Variants in PPEF2 observed in about 807,000 individuals in gnomAD.
PPEF2 encodes serine/threonine-protein phosphatase with EF-hands 2.
A neutral mutation model predicts 84.7 loss-of-function variants in PPEF2; 84 were observed. The observed-to-expected ratio is 0.99, with a 90% CI of 0.83 to 1.19. The LOEUF is 1.19. Ranked by LOEUF, PPEF2 falls within the 50% of genes most tolerant of loss-of-function variation. PPEF2 has a pLI of 0.00. For missense variants in PPEF2, 924 were observed against 937.5 expected (o/e 0.99, Z 0.19); for synonymous variants, 346 against 345.2 (o/e 1.00, Z -0.03).
chr4:75,879,652 T>G (rs1724514689), intron 10 of PPEF2, among the ~76,000 whole-genome samples: 1 of 152,134 alleles, frequency 6.6e-6, no homozygotes, highest in South Asian at 2.1e-4. Flanking sequence ...TGATATTCTT[T>G]TTCTATCTTT....
chr4:75,877,463 TCCTTTGAGAG>T (rs1724458394), intron 10 of PPEF2, among the ~76,000 whole-genome samples: 1 of 151,850 alleles, frequency 6.6e-6, no homozygotes, highest in Non-Finnish European at 1.5e-5. Context: ...GAACTGTAGG[TCCTTTGAGAG>T]TACCACTTTG....
Position 75,890,052 on chromosome 4 carries a change from T to C in PPEF2, c.322A>G (p.Ile108Val), listed in dbSNP as rs1156833018. ...CCCGTGTAACTGTCGGGTACCTCTA[T>C]GGATTCATAGTCACTGCATTTCTTC... ...EMKKCSDYESIEVPDSYTGPR... is the reference protein window; with the variant it reads ...EMKKCSDYESVEVPDSYTGPR... The change falls in exon 5 of 17, where the codon ATA becomes GTA. Residue 108 changes from isoleucine (I) to valine (V), a missense_variant. Physicochemically the swap from Ile to Val is conservative, Grantham distance 29. Coordinates refer to ENST00000286719, the MANE Select transcript of PPEF2 (RefSeq NM_006239.3). 6.2e-7 allele frequency: 1 copy of C among 1,613,936 alleles called. No individual in the cohort carries two copies. The highest frequency in any genetic ancestry group is 2.2e-5 in the East Asian group (1 of 44,886).
At chr4:75,898,099 C>G (rs1289008479) in intron 1 of PPEF2, among the ~76,000 whole-genome samples, 1 of 152,242 alleles carries the variant, frequency 6.6e-6, no homozygotes, top group Non-Finnish European at 1.5e-5. Context: ...GCAGCAGGAG[C>G]ATGTCCTTAA....
Position 75,860,920 on chromosome 4 carries a change from C to A in PPEF2, c.2009G>T (p.Gly670Val). ...IFRIIDSDHSGFISLDEFRQT... is the reference protein window; with the variant it reads ...IFRIIDSDHSVFISLDEFRQT... ...CCTGAACTCGTCCAGTGAGATGAAC[C>A]CTTATCAGAGGGAGGAAATCACTTC... Residue 670 changes from glycine (G) to valine (V), a missense_variant and splice_region_variant, in exon 17 of 17, where the codon GGG becomes GTG. Transcript: ENST00000286719. 1 of 1,612,170 alleles carries A rather than the reference C, an allele frequency of 6.2e-7. No individual in the cohort carries two copies. Among genetic ancestry groups the A allele is most frequent in the South Asian group, 1.1e-5 (1 of 91,002 alleles).
Position 75,888,216 on chromosome 4 carries a change from C to T in PPEF2, c.530G>A (p.Cys177Tyr), listed in dbSNP as rs750657854. 28 of 1,604,272 alleles carry T rather than the reference C, an allele frequency of 1.7e-5. No homozygotes were observed. In the South Asian group the frequency reaches 3.0e-4, roughly 17 times the overall value. The stretch of plus-strand genomic sequence containing the variant: ...AGCCGTTTCTGACCAGCTCTTACCA[C>T]ACACTGTGATCTCCTCACTGTAACA... Reference protein sequence around the residue: ...STCYSEEITVCGDLHGQLDDL... With the variant: ...STCYSEEITVYGDLHGQLDDL... Residue 177 changes from cysteine (C) to tyrosine (Y), a missense_variant and splice_region_variant, in exon 6 of 17, where the codon TGT becomes TAT. Coordinates refer to ENST00000286719, the MANE Select transcript of PPEF2 (RefSeq NM_006239.3).
At chr4:75,891,751 G>A (rs771273928) in intron 3 of PPEF2, 46 bp from the exon 4 acceptor site, 1 of 1,599,890 alleles carries the variant, frequency 6.3e-7, no homozygotes, top group Non-Finnish European at 8.5e-7. Context: ...TGAGCGAAAA[G>A]AGAACCCACA....
In PPEF2 at chr4:75,884,725, G is replaced by A. The variant is rs532748595; in HGVS notation, c.615C>T (p.Phe205=). ...TGCCTCGATCCACAAAGTCACCGTT[G>A]AACACATATGACCGTTCTGGCGACG... is the stretch of plus-strand genomic sequence containing the variant. The part of the protein sequence containing the change: ...GLPSPERSYV[F]NGDFVDRGKD... The change falls in exon 8 of 17, where the codon TTC becomes TTT. Residue 205 remains phenylalanine (F), a synonymous_variant. Coordinates refer to ENST00000286719, the MANE Select transcript of PPEF2 (RefSeq NM_006239.3). 1.4e-4 allele frequency: 220 copies of A among 1,609,800 alleles called. No individual in the cohort carries two copies. The South Asian group carries it at 2.3e-3, about 17-fold the overall frequency.
intron 9 of PPEF2, 30 bp from the exon 10 acceptor site, chr4:75,883,105 T>C (rs753483078): frequency 1.2e-6 from 2 of 1,613,814 alleles, no homozygotes; most frequent in South Asian, 1.1e-5. Context: ...CAAAATGTTA[T>C]CAAATAATTC....
intron 1 of PPEF2, among the ~76,000 whole-genome samples, chr4:75,901,959 T>C (rs1302893401): frequency 1.3e-5 from 2 of 152,056 alleles, no homozygotes; most frequent in Admixed American, 1.3e-4. Context: ...CTGGGCAACA[T>C]AGTGAGACTC....
Position 75,876,497 on chromosome 4 carries a change from G to C in PPEF2, c.1110C>G (p.Ser370Arg), listed in dbSNP as rs776220516. The part of the protein sequence containing the change: ...RLGSYKAQKT[S>R]RSSSIPCSGS... ...CGCTGCAGGGGATGCTGGAGGACCT[G>C]CTGGTTTTCTGGGCCTTGTAGGAGC... Residue 370 changes from serine to arginine, a missense_variant, in exon 11 of 17, where the codon AGC (serine) becomes AGG (arginine). By Grantham distance (110) the Ser-to-Arg change is moderately radical. Transcript: ENST00000286719. The C allele has an allele frequency of 6.2e-7, 1 of 1,614,016 alleles. No individual in the cohort carries two copies. The highest frequency in any genetic ancestry group is 2.2e-5 in the East Asian group (1 of 44,860).
At chr4:75,891,585 A>G in intron 4 of PPEF2, 63 bp downstream of exon 4, 1 of 1,515,758 alleles carries the variant, frequency 6.6e-7, no homozygotes. Context: ...TGCATCCCCC[A>G]CCTCACCGTG....
rs534527723 is a variant in PPEF2 at position 75,892,080 on chromosome 4, G to A, written c.56-102C>T. 7.0e-5 allele frequency: 102 copies of A among 1,451,372 alleles called. No homozygotes were observed. In the East Asian group the frequency reaches 2.3e-3, roughly 32 times the overall value. The allele number at this position is 1,451,372 out of a possible 1,614,324, so 89.9% of individuals were successfully genotyped here. A position where few individuals can be genotyped will look rare whatever the true frequency, so the allele number is the denominator to read the frequency against. ...TGCTCAGCCCTCTCCCACTGTATAT[G>A]TGAGGACAAGATGGAGCAGAAGCAC... On this transcript the variant is annotated intron_variant, in intron 2 of 16. Transcript: ENST00000286719.
At position 75,896,267 on chromosome 4, in the gene PPEF2, G is replaced by A. The variant is rs117112041; in HGVS notation, c.55+4C>T. On this transcript the variant is annotated splice_donor_region_variant and intron_variant, in intron 2 of 16. Coordinates refer to ENST00000286719, the MANE Select transcript of PPEF2 (RefSeq NM_006239.3). ...AGCTGGTTTGGAAAGTGGGAAACACGTACCTCTCTCTGCATTCTGGAAAGC... is the reference window on the plus strand; with the variant it reads ...AGCTGGTTTGGAAAGTGGGAAACACATACCTCTCTCTGCATTCTGGAAAGC... The A allele has an allele frequency of 8.4e-5, 135 of 1,613,836 alleles. 1 individual carries two copies. In the East Asian group the frequency reaches 2.2e-3, roughly 26 times the overall value.
At position 75,860,607 on chromosome 4, in the gene PPEF2, T is replaced by C. The variant is rs1723972130; in HGVS notation, c.*60A>G. The C allele has an allele frequency of 6.3e-7, 1 of 1,589,552 alleles. No homozygotes were observed. Among genetic ancestry groups the C allele is most frequent in the Non-Finnish European group, 8.6e-7 (1 of 1,163,028 alleles). On this transcript the variant is annotated 3_prime_UTR_variant, in exon 17 of 17. Transcript: ENST00000286719. ...TTCACATGGAGAATAAGGGAGATAG[T>C]CTAGTGAGAAGCTGAGCATTGCCTA...
intron 2 of PPEF2, among the ~76,000 whole-genome samples, chr4:75,892,657 G>A (rs1161689102): frequency 6.6e-6 from 1 of 152,234 alleles, no homozygotes; most frequent in Non-Finnish European, 1.5e-5. Context: ...AAGATAGACA[G>A]CACTGACCAT....
chr4:75,882,843 G>T, intron 10 of PPEF2, 83 bp downstream of exon 10: 1 of 1,435,888 alleles, frequency 7.0e-7, no homozygotes, highest in Non-Finnish European at 9.5e-7. Context: ...TCAGTTGACT[G>T]CAGTCAGCAT....
intron 7 of PPEF2, among the ~76,000 whole-genome samples, chr4:75,885,939 G>C (rs760530863): frequency 6.6e-6 from 1 of 152,016 alleles, no homozygotes; most frequent in Non-Finnish European, 1.5e-5. Flanking sequence ...AACCTGGGAC[G>C]CGGAGGTTGC....
At position 75,862,291 on chromosome 4, in the gene PPEF2, T is replaced by C. The variant is rs1378475986; in HGVS notation, c.2009-1371A>G. Among the ~76,000 whole-genome samples the C allele has an allele frequency of 7.5e-4, 13 of 17,340 alleles. 1 individual carries two copies. Among genetic ancestry groups the C allele is most frequent in the African/African-American group, 3.3e-3 (12 of 3,604 alleles). The allele number at this position is 17,340 out of a possible 152,430, so 11.4% of individuals were successfully genotyped here. On this transcript the variant is annotated intron_variant, in intron 16 of 16. Coordinates refer to ENST00000286719, the MANE Select transcript of PPEF2 (RefSeq NM_006239.3). Reference sequence around the variant, plus strand: ...CTAGGTGACAGAGCGAGACTCCATCTCAAAAAAAAAAAAAAAAAAAAAAAA... The same window carrying C: ...CTAGGTGACAGAGCGAGACTCCATCCCAAAAAAAAAAAAAAAAAAAAAAAA...
rs1307607472 is a variant in PPEF2, at chr4:75,891,673, G to A, written c.216C>T (p.His72=). 5.0e-6 allele frequency: 8 copies of A among 1,611,858 alleles called. No individual in the cohort carries two copies. The highest frequency in any genetic ancestry group is 5.9e-6 in the Non-Finnish European group (7 of 1,179,162). The change falls in exon 4 of 17, where the codon CAC becomes CAT. Residue 72 remains histidine, a synonymous_variant. Transcript: ENST00000286719. ...LHDFFSYLMD[H]FIPSSHNDRD... is the part of the protein sequence containing the mutation. ...TGTCGTTGTGGCTGCTGGGGATGAAGTGATCCATGAGATAGCTGAAGAAGT... is the reference window on the plus strand; with the variant it reads ...TGTCGTTGTGGCTGCTGGGGATGAAATGATCCATGAGATAGCTGAAGAAGT...
Sources: gnomAD v4.1 joint callset for allele counts (sites outside exome capture counted in the v4.1 genomes callset) on GRCh38, gnomAD v4.1.1 for gene constraint, MANE v1.5 for transcripts, NCBI Gene and HGNC (gene_info 2026-07-23, HGNC 2026-07-21) for gene names.